CLYBL: variants seen among roughly 807,000 people sequenced by gnomAD.
CLYBL encodes the protein citramalyl-CoA lyase, mitochondrial.
Under a neutral mutation model 38.9 loss-of-function variants are expected in CLYBL, and 31 were observed. That is an observed-to-expected ratio of 0.80 (90% CI 0.60 to 1.08). The LOEUF (loss-of-function observed/expected upper bound fraction) is 1.08, where lower values mean the gene tolerates loss of function less well. Among genes scored for constraint, CLYBL ranks in the 50% least tolerant of loss-of-function variants. CLYBL has a pLI of 0.00. For synonymous variants in CLYBL, 171 were observed against 158.6 expected (o/e 1.08, Z -0.59); for missense variants, 434 against 411.6 (o/e 1.05, Z -0.47).
intron 1 of CLYBL, among the ~76,000 whole-genome samples, chr13:99,689,213 A>C (rs909591382): frequency 1.3e-5 from 2 of 152,206 alleles, no homozygotes; most frequent in African/African-American, 4.8e-5. Flanking sequence ...TGCAAAGTGG[A>C]TATAGTTCAT....
intron 1 of CLYBL, among the ~76,000 whole-genome samples, chr13:99,658,354 C>T (rs1404249912): frequency 6.6e-6 from 1 of 152,230 alleles, no homozygotes; most frequent in Non-Finnish European, 1.5e-5. Flanking sequence ...CTGGAGAGAC[C>T]GCGGACTGGG....
At chr13:99,714,849 T>C (rs1170083934) in intron 1 of CLYBL, among the ~76,000 whole-genome samples, 1 of 151,992 alleles carries the variant, frequency 6.6e-6, no homozygotes, top group Admixed American at 6.5e-5. Flanking sequence ...CTTGGGAGGC[T>C]GAGGCACAAG....
chr13:99,699,825 C>T (rs1282710000), intron 1 of CLYBL, among the ~76,000 whole-genome samples: 3 of 150,982 alleles, frequency 2.0e-5, no homozygotes, highest in Non-Finnish European at 4.4e-5. Context: ...AACCCCGTCT[C>T]TACTAAAAAT....
At chr13:99,852,645 T>C (rs1352447604) in intron 2 of CLYBL, among the ~76,000 whole-genome samples, 1 of 152,176 alleles carries the variant, frequency 6.6e-6, no homozygotes, top group Non-Finnish European at 1.5e-5. Context: ...TATTCAAATA[T>C]ATACAAATGT....
chr13:99,736,278 A>C (rs2048666916), intron 1 of CLYBL, among the ~76,000 whole-genome samples: 1 of 151,702 alleles, frequency 6.6e-6, no homozygotes, highest in African/African-American at 2.4e-5. Flanking sequence ...CTCCTGGGTG[A>C]TGTGGCCGCC....
intron 1 of CLYBL, among the ~76,000 whole-genome samples, chr13:99,731,849 T>G (rs2806279): frequency 6.6e-6 from 1 of 152,118 alleles, no homozygotes; most frequent in African/African-American, 2.4e-5. Flanking sequence ...CACACCAGAA[T>G]GGTTTCACTT....
chr13:99,787,125 T>A (rs2049812591), intron 2 of CLYBL, among the ~76,000 whole-genome samples: 1 of 152,172 alleles, frequency 6.6e-6, no homozygotes, highest in East Asian at 1.9e-4. Context: ...ATGAGTAGAT[T>A]GCAAAAATTT....
chr13:99,826,533 C>A (rs924184404), intron 2 of CLYBL, among the ~76,000 whole-genome samples: 1 of 152,194 alleles, frequency 6.6e-6, no homozygotes. Context: ...CTATTGCAAT[C>A]CAACTCTCAG....
chr13:99,877,947 T>C (rs926271245), intron 7 of CLYBL, among the ~76,000 whole-genome samples: 35 of 152,028 alleles, frequency 2.3e-4, no homozygotes, highest in Non-Finnish European at 4.0e-4. Flanking sequence ...GTCTTTTTTT[T>C]CCCCCACTTT....
chr13:99,780,780 C>T (rs1425028598), intron 2 of CLYBL, among the ~76,000 whole-genome samples: 1 of 143,884 alleles, frequency 7.0e-6, no homozygotes, highest in Non-Finnish European at 1.5e-5. Context: ...ATGGCACGAT[C>T]TTGGCTCACT....
chr13:99,810,084 T>C (rs879387345), intron 2 of CLYBL, among the ~76,000 whole-genome samples: 1 of 152,226 alleles, frequency 6.6e-6, no homozygotes, highest in Non-Finnish European at 1.5e-5. Flanking sequence ...TCATACTAGC[T>C]AGATAAATGA....
intron 2 of CLYBL, among the ~76,000 whole-genome samples, chr13:99,832,904 A>C (rs948372272): frequency 6.7e-6 from 1 of 149,464 alleles, no homozygotes; most frequent in African/African-American, 2.5e-5. Flanking sequence ...AAAAAACCCA[A>C]AAGAATTCAT....
chr13:99,839,454 A>C (rs1309001123), intron 2 of CLYBL, among the ~76,000 whole-genome samples: 3 of 152,242 alleles, frequency 2.0e-5, no homozygotes, highest in Admixed American at 6.5e-5. Context: ...GTAACTATGA[A>C]GACTCTTCCC....
intron 1 of CLYBL, among the ~76,000 whole-genome samples, chr13:99,692,864 T>C (rs2047928159): frequency 6.6e-6 from 1 of 152,212 alleles, no homozygotes; most frequent in African/African-American, 2.4e-5. Flanking sequence ...TCACTCTGCA[T>C]AATGTTTTCA....
At chr13:99,633,338 G>GAT (rs1355464559) in intron 1 of CLYBL, among the ~76,000 whole-genome samples, 1 of 150,976 alleles carries the variant, frequency 6.6e-6, no homozygotes, top group Non-Finnish European at 1.5e-5. Flanking sequence ...TCAGGAGTTT[G>GAT]ATACCAGCCT....
At chr13:99,900,532 G>A (rs2052630299), downstream of CLYBL, among the ~76,000 whole-genome samples, 1 of 152,032 alleles carries the variant, frequency 6.6e-6, no homozygotes, top group Non-Finnish European at 1.5e-5. Context: ...TGGCTGAAGG[G>A]GGCACCATCC....
chr13:99,871,198 T>A, intron 7 of CLYBL, 136 bp downstream of exon 7: 4 of 984,858 alleles, frequency 4.1e-6, no homozygotes, highest in Non-Finnish European at 6.1e-6. Flanking sequence ...GAACACAACA[T>A]TCACCAGTGA....
At chr13:99,666,513 C>T (rs1211908243) in intron 1 of CLYBL, among the ~76,000 whole-genome samples, 1 of 152,082 alleles carries the variant, frequency 6.6e-6, no homozygotes, top group Non-Finnish European at 1.5e-5. Flanking sequence ...TAGGTTTTTT[C>T]CCCCCTTTCT....
At chr13:99,691,966 A>G (rs184323259) in intron 1 of CLYBL, among the ~76,000 whole-genome samples, 48 of 152,300 alleles carry the variant, frequency 3.2e-4, no homozygotes, top group Non-Finnish European at 1.0e-4. Flanking sequence ...GAGTTTTCAG[A>G]CTGATCTTTC....
Sources: gnomAD v4.1 joint callset for allele counts (sites outside exome capture counted in the v4.1 genomes callset) on GRCh38, gnomAD v4.1.1 for gene constraint, MANE v1.5 for transcripts, NCBI Gene and HGNC (gene_info 2026-07-23, HGNC 2026-07-21) for gene names.